Variants in SLC14A2 observed in about 807,000 individuals in gnomAD.
SLC14A2 encodes urea transporter 2.
In SLC14A2, 91 loss-of-function variants were observed where a neutral mutation model predicts 104.6. That is an observed-to-expected ratio of 0.87 (90% CI 0.73 to 1.04). The LOEUF (loss-of-function observed/expected upper bound fraction) is 1.04. Ranked by LOEUF, SLC14A2 falls within the 50% of genes least tolerant of loss-of-function variation. The probability of loss-of-function intolerance (pLI) is 0.00; values close to 1 mark genes in which losing one functional copy is unlikely to be tolerated. For synonymous variants in SLC14A2, 476 were observed against 466.4 expected, an observed-to-expected ratio of 1.02 and a Z score of -0.27; for missense variants, 1,189 against 1,156.0, an observed-to-expected ratio of 1.03 and a Z score of -0.41.
At chr18:45,291,897 C>T (rs1475381388) in intron 1 of SLC14A2, among the ~76,000 whole-genome samples, 1 of 152,176 alleles carries the variant, frequency 6.6e-6, no homozygotes, top group Non-Finnish European at 1.5e-5. Flanking sequence ...CTTCAAAGTT[C>T]TCCTCCCAGA....
At chr18:45,200,041 C>T in the SLC14A2 span, among the ~76,000 whole-genome samples, 2 of 152,086 alleles carry the variant, frequency 1.3e-5, no homozygotes, top group African/African-American at 4.8e-5. Context: ...GGGGCTTTAA[C>T]CTCTGCCTAT....
At chr18:45,407,907 AACAG>A (rs1170472678) in intron 1 of SLC14A2, among the ~76,000 whole-genome samples, 2 of 152,170 alleles carry the variant, frequency 1.3e-5, no homozygotes, top group Non-Finnish European at 2.9e-5. Flanking sequence ...AGATCACCAT[AACAG>A]ATATAATGGT....
chr18:45,566,091 G>C (rs2044262914), intron 2 of SLC14A2, among the ~76,000 whole-genome samples: 1 of 152,210 alleles, frequency 6.6e-6, no homozygotes, highest in Admixed American at 6.5e-5. Flanking sequence ...GTTGTGACAG[G>C]TAAGGAAATA....
intron 1 of SLC14A2, among the ~76,000 whole-genome samples, chr18:45,470,249 C>A (rs979046977): frequency 6.6e-6 from 1 of 152,184 alleles, no homozygotes; most frequent in African/African-American, 2.4e-5. Context: ...CTGTCTGATA[C>A]ATGCCTGATA....
At chr18:45,274,876 G>A (rs945572995) in intron 1 of SLC14A2, among the ~76,000 whole-genome samples, 3 of 152,158 alleles carry the variant, frequency 2.0e-5, no homozygotes, top group African/African-American at 4.8e-5. Flanking sequence ...TGTTTCTCAA[G>A]CAGAGCTCTT....
At chr18:45,574,992 A>G (rs960407741) in intron 2 of SLC14A2, among the ~76,000 whole-genome samples, 3 of 152,344 alleles carry the variant, frequency 2.0e-5, no homozygotes. Flanking sequence ...AAGATGAAGC[A>G]AGGAGGAGCT....
At chr18:45,206,693 C>T in the SLC14A2 span, among the ~76,000 whole-genome samples, 1 of 152,102 alleles carries the variant, frequency 6.6e-6, no homozygotes, top group Non-Finnish European at 1.5e-5. Flanking sequence ...ATAATCTGAG[C>T]AGTTGAGTGC....
chr18:45,267,094 T>A (rs188911573), intron 1 of SLC14A2, among the ~76,000 whole-genome samples: 63 of 152,264 alleles, frequency 4.1e-4, no homozygotes, highest in Middle Eastern at 3.4e-3. Context: ...TTTAGGAACA[T>A]TTAGTGTTCA....
chr18:45,452,034 A>T (rs1163272269), intron 1 of SLC14A2, among the ~76,000 whole-genome samples: 3 of 151,720 alleles, frequency 2.0e-5, no homozygotes, highest in Non-Finnish European at 4.4e-5. Flanking sequence ...TATTTTTCAA[A>T]TCAAAAATAT....
In SLC14A2 at chr18:45,517,643, C is replaced by T. The variant is rs34543707; in HGVS notation, c.-35+34321C>T. 1.5e-3 allele frequency among the ~76,000 whole-genome samples: 231 copies of T among 152,294 alleles called. 1 individual carries two copies. Among genetic ancestry groups the T allele is most frequent in the African/African-American group, 4.8e-3 (201 of 41,554 alleles). On this transcript the variant is annotated intron_variant, in intron 2 of 20. Transcript: ENST00000586448. ...CATGGCCAGGTCCAGTCTCACCCGG[C>T]GGTGAAGGCGGCCACCAATGCTTGG... is the stretch of plus-strand genomic sequence containing the variant.
intron 1 of SLC14A2, among the ~76,000 whole-genome samples, chr18:45,279,007 T>C (rs1289759530): frequency 1.3e-5 from 2 of 152,070 alleles, no homozygotes; most frequent in African/African-American, 2.4e-5. Flanking sequence ...AGAGAGATAA[T>C]AAGTAACTTG....
At chr18:45,324,942 C>T (rs986717236) in intron 1 of SLC14A2, among the ~76,000 whole-genome samples, 17 of 152,208 alleles carry the variant, frequency 1.1e-4, no homozygotes, top group Non-Finnish European at 1.6e-4. Flanking sequence ...GCGGGACCTG[C>T]GGTGCGTTTT....
intron 2 of SLC14A2, among the ~76,000 whole-genome samples, chr18:45,487,724 G>A (rs1420207691): frequency 6.6e-6 from 1 of 152,148 alleles, no homozygotes; most frequent in Non-Finnish European, 1.5e-5. Context: ...CTCATCACAA[G>A]GTCCAGCTGA....
At chr18:45,520,111 A>T (rs1359016071) in intron 2 of SLC14A2, among the ~76,000 whole-genome samples, 1 of 152,206 alleles carries the variant, frequency 6.6e-6, no homozygotes, top group Non-Finnish European at 1.5e-5. Context: ...CATATTTGGT[A>T]TGTCTTTAGA....
chr18:45,662,096 A>G (rs1329516854), intron 10 of SLC14A2, among the ~76,000 whole-genome samples: 1 of 152,196 alleles, frequency 6.6e-6, no homozygotes, highest in East Asian at 1.9e-4. Context: ...CGAGGTCAGG[A>G]ATTCAAGACC....
intron 1 of SLC14A2, among the ~76,000 whole-genome samples, chr18:45,266,636 T>C (rs760666002): frequency 4.6e-5 from 7 of 152,262 alleles, no homozygotes; most frequent in Non-Finnish European, 8.8e-5. Flanking sequence ...GCTGTGAAAA[T>C]CTCACTACAA....
At chr18:45,595,478 T>C (rs1043956777) in intron 2 of SLC14A2, among the ~76,000 whole-genome samples, 1 of 152,176 alleles carries the variant, frequency 6.6e-6, no homozygotes, top group South Asian at 2.1e-4. Flanking sequence ...CCCACACTTT[T>C]GCCACTGCAT....
In SLC14A2 at chr18:45,650,962, C is replaced by A. The variant is rs568766978; in HGVS notation, c.1351+6802C>A. Reference sequence around the variant, plus strand: ...CCATGTTGGCCGGGCTGGTCTTGAGCTCCTGACCTTGTCAGGCTGATCTTC... The same window carrying A: ...CCATGTTGGCCGGGCTGGTCTTGAGATCCTGACCTTGTCAGGCTGATCTTC... On this transcript the variant is annotated intron_variant, in intron 10 of 19. Coordinates refer to ENST00000255226, the MANE Select transcript of SLC14A2 (RefSeq NM_007163.4). Among the ~76,000 whole-genome samples the A allele has an allele frequency of 1.5e-3, 226 of 152,190 alleles. 1 individual carries two copies. Among genetic ancestry groups the A allele is most frequent in the Middle Eastern group, 0.014 (4 of 294 alleles).
intron 16 of SLC14A2, among the ~76,000 whole-genome samples, chr18:45,672,248 G>A (rs2046152211): frequency 6.6e-6 from 1 of 152,066 alleles, no homozygotes; most frequent in Admixed American, 6.5e-5. Context: ...AAAAAATCAT[G>A]GCCAGGCGTG....
Sources: gnomAD v4.1 joint callset for allele counts (sites outside exome capture counted in the v4.1 genomes callset) on GRCh38, gnomAD v4.1.1 for gene constraint, MANE v1.5 for transcripts, NCBI Gene and HGNC (gene_info 2026-07-23, HGNC 2026-07-21) for gene names.